ZNF333: variants seen among roughly 807,000 people sequenced by gnomAD.
ZNF333 encodes the protein zinc finger protein 333.
Under a neutral mutation model 76.1 loss-of-function variants are expected in ZNF333, and 61 were observed. That is an observed-to-expected ratio of 0.80 (90% CI 0.65 to 0.99). The LOEUF is 0.99. ZNF333 is among the 50% of genes least tolerant of loss of function. The pLI, the probability that ZNF333 is intolerant of heterozygous loss-of-function variation, is 0.00. For missense variants in ZNF333, 717 were observed against 822.4 expected, an observed-to-expected ratio of 0.87 and a Z score of 1.57; for synonymous variants, 284 against 305.0, an observed-to-expected ratio of 0.93 and a Z score of 0.72.
At chr19:14,706,233 AG>A in intron 6 of ZNF333, 1 of 454,202 alleles carries the variant, frequency 2.2e-6, no homozygotes, top group Non-Finnish European at 4.4e-6. Context: ...AAGTCAGGTC[AG>A]ACGTGTTTCC....
downstream of ZNF333, among the ~76,000 whole-genome samples, chr19:14,724,232 A>G (rs2042620038): frequency 1.3e-5 from 2 of 152,224 alleles, no homozygotes; most frequent in Admixed American, 1.3e-4. Flanking sequence ...AAAGATCAGA[A>G]TGAGAAGAGC....
chr19:14,697,259 T>C (rs989218471), intron 4 of ZNF333, among the ~76,000 whole-genome samples: 5 of 152,334 alleles, frequency 3.3e-5, no homozygotes, highest in African/African-American at 1.2e-4. Flanking sequence ...TTTGATTATT[T>C]GTTCATCAGT....
At chr19:14,693,677 A>G (rs1245371313) in intron 2 of ZNF333, among the ~76,000 whole-genome samples, 183 bp downstream of exon 2, 7 of 152,332 alleles carry the variant, frequency 4.6e-5, no homozygotes, top group African/African-American at 1.4e-4. Context: ...CCTGACCTCT[A>G]GAGGTGGCAT....
chr19:14,718,875 G>A lies in ZNF333; in HGVS notation c.1548G>A (p.Arg516=). Reference sequence around the variant, plus strand: ...GCAACCAGTGTGGCAAGCCCTTCCGGACGAGCACTCATCTGAACGTGCACA... The same window carrying A: ...GCAACCAGTGTGGCAAGCCCTTCCGAACGAGCACTCATCTGAACGTGCACA... The part of the protein sequence containing the change: ...YECNQCGKPF[R]TSTHLNVHKR... The change falls in exon 12 of 12, where the codon CGG becomes CGA. Residue 516 remains arginine, a synonymous_variant. Coordinates refer to ENST00000292530, the MANE Select transcript of ZNF333 (RefSeq NM_032433.4). 6.2e-7 allele frequency: 1 copy of A among 1,614,166 alleles called. No homozygotes were observed. Among genetic ancestry groups the A allele is most frequent in the East Asian group, 2.2e-5 (1 of 44,886 alleles).
At chr19:14,699,573 G>T (rs1973533323) in intron 5 of ZNF333, among the ~76,000 whole-genome samples, 1 of 151,892 alleles carries the variant, frequency 6.6e-6, no homozygotes, top group East Asian at 1.9e-4. Flanking sequence ...TGATTTTCCT[G>T]CTTCAGCCTC....
In ZNF333 at chr19:14,706,684, A is replaced by G. The variant is rs1312321071; in HGVS notation, c.424-2A>G. The G allele has an allele frequency of 6.2e-7, 1 of 1,614,006 alleles. No individual in the cohort carries two copies. The highest frequency in any genetic ancestry group is 1.1e-5 in the South Asian group (1 of 91,066). Reference sequence around the variant, plus strand: ...ATCTGTGACCCCTGTCACTCTGTCCAGGGACTGAAGGCCGCTATGCAGATT... The same window carrying G: ...ATCTGTGACCCCTGTCACTCTGTCCGGGGACTGAAGGCCGCTATGCAGATT... On this transcript the variant is annotated splice_acceptor_variant, in intron 6 of 11. Coordinates refer to ENST00000292530, the MANE Select transcript of ZNF333 (RefSeq NM_032433.4). LOFTEE classifies it high-confidence loss of function.
chr19:14,692,289 T>C (rs1320270995), intron 1 of ZNF333, among the ~76,000 whole-genome samples: 1 of 152,242 alleles, frequency 6.6e-6, no homozygotes, highest in Non-Finnish European at 1.5e-5. Flanking sequence ...AGATGAGTTG[T>C]ACGTAGCTAA....
chr19:14,705,222 C>G, intron 6 of ZNF333, 52 bp downstream of exon 6: 1 of 1,527,934 alleles, frequency 6.5e-7, no homozygotes. Flanking sequence ...TCAGGAAGGC[C>G]TGGGGTGTGG....
At chr19:14,693,366 T>C in intron 1 of ZNF333, 85 bp from the exon 2 acceptor site, 1 of 1,058,924 alleles carries the variant, frequency 9.4e-7, no homozygotes. Context: ...AGGGTTTTGA[T>C]TGTGACCACT....
intron 4 of ZNF333, among the ~76,000 whole-genome samples, chr19:14,698,356 A>G (rs1441697278): frequency 7.2e-6 from 1 of 139,754 alleles, no homozygotes; most frequent in Non-Finnish European, 1.5e-5. Flanking sequence ...CCTGGGCGAC[A>G]GAGTGAGACT....
intron 5 of ZNF333, among the ~76,000 whole-genome samples, chr19:14,704,621 G>A (rs2042056417): frequency 6.6e-6 from 1 of 152,208 alleles, no homozygotes; most frequent in Non-Finnish European, 1.5e-5. Flanking sequence ...AACAAGTCAC[G>A]TCTTACATGG....
At position 14,699,237 on chromosome 19, in the gene ZNF333, A is replaced by G. The variant is rs1047537039; in HGVS notation, c.262A>G (p.Met88Val). The G allele has an allele frequency of 4.3e-6, 7 of 1,613,898 alleles. No homozygotes were observed. Among genetic ancestry groups the G allele is most frequent in the African/African-American group, 4.0e-5 (3 of 75,020 alleles). Residue 88 changes from methionine to valine, a missense_variant, in exon 5 of 12, where the codon ATG becomes GTG. By Grantham distance (21) the Met-to-Val change is conservative (BLOSUM62 1). Transcript: ENST00000292530. ...ACTTAAACCCGAAGAGTTGCCTTCT[A>G]TGCAGGATCTTTTGGAAGAAGCATC... ...SQLKPEELPS[M>V]QDLLEEASSR...
At chr19:14,716,067 G>C in intron 8 of ZNF333, 45 bp from the exon 9 acceptor site, 2 of 1,612,054 alleles carry the variant, frequency 1.2e-6, no homozygotes, top group South Asian at 1.1e-5. Context: ...CTGGCGTACT[G>C]GTGGGGGTGG....
At chr19:14,693,347 T>C in intron 1 of ZNF333, 104 bp from the exon 2 acceptor site, 1 of 775,008 alleles carries the variant, frequency 1.3e-6, no homozygotes, top group Admixed American at 3.0e-5. Flanking sequence ...TGGAGATAAA[T>C]GTCCTGTAAG....
chr19:14,706,135 G>C (rs908780654), intron 6 of ZNF333: 14 of 457,440 alleles, frequency 3.1e-5, no homozygotes, highest in Middle Eastern at 3.2e-4. Flanking sequence ...CAGAGCCACC[G>C]TTAGTTCTCC....
chr19:14,701,822 A>G, intron 5 of ZNF333: 7 of 985,500 alleles, frequency 7.1e-6, no homozygotes, highest in Non-Finnish European at 8.4e-6. Flanking sequence ...TGGGCAGAGG[A>G]GGTCCACCTA....
rs183105154 is a variant in ZNF333 at position 14,706,697 on chromosome 19, C to T, written c.435C>T (p.Ala145=). The T allele has an allele frequency of 1.7e-5, 27 of 1,614,112 alleles. No individual in the cohort carries two copies. The East Asian group carries it at 1.8e-4, about 11-fold the overall frequency. The change falls in exon 7 of 12, where the codon GCC becomes GCT. Residue 145 remains alanine (A), a synonymous_variant. Coordinates refer to ENST00000292530, the MANE Select transcript of ZNF333 (RefSeq NM_032433.4). ...GTCACTCTGTCCAGGGACTGAAGGC[C>T]GCTATGCAGATTCAGAGGGTGGTGA... ...PWSLGCTGLK[A]AMQIQRVVIP... is the part of the protein sequence containing the mutation.
At chr19:14,702,393 C>A (rs1288609148) in intron 5 of ZNF333, among the ~76,000 whole-genome samples, 1 of 152,200 alleles carries the variant, frequency 6.6e-6, no homozygotes, top group Non-Finnish European at 1.5e-5. Context: ...TGGTGGTGTG[C>A]ACCTGTAGTT....
At chr19:14,707,022 A>T (rs1432768504) in intron 7 of ZNF333, 1 of 442,868 alleles carries the variant, frequency 2.3e-6, no homozygotes, top group Non-Finnish European at 3.9e-6. Context: ...TTTGGGCAAC[A>T]TGAAATTCTT....
Sources: gnomAD v4.1 joint callset for allele counts (sites outside exome capture counted in the v4.1 genomes callset) on GRCh38, gnomAD v4.1.1 for gene constraint, MANE v1.5 for transcripts, NCBI Gene and HGNC (gene_info 2026-07-23, HGNC 2026-07-21) for gene names.